The following OXNAD1 variants were observed in gnomAD, a reference collection of about 807,000 sequenced individuals.
OXNAD1 encodes the protein oxidoreductase NAD binding domain containing 1.
In OXNAD1, 34 loss-of-function variants were observed where a neutral mutation model predicts 32.9. The observed-to-expected ratio is 1.03, with a 90% CI of 0.79 to 1.38. The LOEUF is 1.38. Ranked by LOEUF, OXNAD1 falls within the 40% of genes most tolerant of loss-of-function variation. The pLI is 0.00. For synonymous variants in OXNAD1, 134 were observed against 135.2 expected, an observed-to-expected ratio of 0.99 and a Z score of 0.06; for missense variants, 407 against 379.4, an observed-to-expected ratio of 1.07 and a Z score of -0.60.
rs1380769881 is a variant in OXNAD1, at chr3:16,290,407, T to C, written c.290+3959T>C. On this transcript the variant is annotated intron_variant, in intron 5 of 8. Coordinates refer to ENST00000285083, the MANE Select transcript of OXNAD1 (RefSeq NM_138381.5). This position sits in a 1 kb window ranked among gnomAD's most constrained non-coding sequence, Gnocchi z 4.2. ...TTTTTTAATGAAGGAGTCCTTTTTT[T>C]CCAAAGGTAGCTTTCCAGAGTTACT... 6.6e-6 allele frequency among the ~76,000 whole-genome samples: 1 copy of C among 152,226 alleles called. No homozygotes were observed. The highest frequency in any genetic ancestry group is 1.5e-5 in the Non-Finnish European group (1 of 68,030).
chr3:16,331,090 C>G lies in OXNAD1; in HGVS notation c.*31-6022C>G, dbSNP rs530085087. On this transcript the variant is annotated intron_variant, in intron 9 of 9. Coordinates refer to the OXNAD1 transcript ENST00000435829. Reference sequence around the variant, plus strand: ...TGCTTGAGACCACTTCTGGGGTGTTCTCCATACCTGAGAAAAGTGACTGGG... The same window carrying G: ...TGCTTGAGACCACTTCTGGGGTGTTGTCCATACCTGAGAAAAGTGACTGGG... 1.5e-3 allele frequency among the ~76,000 whole-genome samples: 221 copies of G among 152,334 alleles called. 1 individual carries two copies. Among genetic ancestry groups the G allele is most frequent in the African/African-American group, 4.9e-3 (205 of 41,570 alleles).
chr3:16,267,505 G>A (rs1233670106), intron 1 of OXNAD1, among the ~76,000 whole-genome samples: 4 of 100,748 alleles, frequency 4.0e-5, no homozygotes, highest in Admixed American at 3.0e-4. Context: ...TTAACATGCC[G>A]GGCTTATTTC....
chr3:16,316,939 G>T lies in OXNAD1; in HGVS notation c.*30+13347G>T. ...AAATCCCCACCAGGGCCCTGCTGTG[G>T]CTGGCAGGACCATTCTGCACAGCCT... is the stretch of plus-strand genomic sequence containing the variant. On this transcript the variant is annotated intron_variant, in intron 9 of 9. Coordinates refer to the OXNAD1 transcript ENST00000435829. This position sits in a 1 kb window ranked among gnomAD's most constrained non-coding sequence, Gnocchi z 4.5. 1.2e-6 allele frequency: 2 copies of T among 1,614,020 alleles called. No individual in the cohort carries two copies. The highest frequency in any genetic ancestry group is 1.7e-6 in the Non-Finnish European group (2 of 1,180,000).
chr3:16,351,330 G>C (rs2072089258), downstream of OXNAD1, among the ~76,000 whole-genome samples: 2 of 152,188 alleles, frequency 1.3e-5, no homozygotes. This position sits in a 1 kb window ranked among gnomAD's most constrained non-coding sequence, Gnocchi z 5.4. Context: ...AGCCTTCAGG[G>C]AAGCCAAGGC....
At chr3:16,281,247 A>G (rs965456398) in intron 4 of OXNAD1, among the ~76,000 whole-genome samples, 1 of 152,248 alleles carries the variant, frequency 6.6e-6, no homozygotes, top group Non-Finnish European at 1.5e-5. Context: ...TTTAAAAATA[A>G]TGAATTGTGC....
chr3:16,318,622 G>A (rs2068697203), intron 9 of OXNAD1, among the ~76,000 whole-genome samples: 1 of 152,098 alleles, frequency 6.6e-6, no homozygotes, highest in Non-Finnish European at 1.5e-5. Flanking sequence ...TAGGATTCTT[G>A]GATTTAGCAC....
At chr3:16,323,429 C>T (rs769430302) in intron 9 of OXNAD1, 29 of 1,612,548 alleles carry the variant, frequency 1.8e-5, no homozygotes, top group East Asian at 6.7e-5. Context: ...TGAAGAAAGA[C>T]AATCTGCTTG....
chr3:16,275,643 C>T (rs1177941063), intron 4 of OXNAD1: 1 of 175,190 alleles, frequency 5.7e-6, no homozygotes, highest in African/African-American at 2.4e-5. Context: ...ATGTCTATGT[C>T]TTCCATTTCC....
chr3:16,338,114 G>A (rs779657601), downstream of OXNAD1, among the ~76,000 whole-genome samples: 2 of 152,238 alleles, frequency 1.3e-5, no homozygotes, highest in Non-Finnish European at 2.9e-5. This position sits in a 1 kb window ranked among gnomAD's most constrained non-coding sequence, Gnocchi z 5.3. Flanking sequence ...TCTGGGACAC[G>A]CTGGGTGATC....
rs1575081659 is a variant in OXNAD1, at chr3:16,346,954, A to G, written c.*31-2222A>G. 6.6e-6 allele frequency among the ~76,000 whole-genome samples: 1 copy of G among 152,308 alleles called. No individual in the cohort carries two copies. Among genetic ancestry groups the G allele is most frequent in the Non-Finnish European group, 1.5e-5 (1 of 68,024 alleles). On this transcript the variant is annotated intron_variant, in intron 9 of 9. Transcript: ENST00000606098. This position sits in a 1 kb window ranked among gnomAD's most constrained non-coding sequence, Gnocchi z 4.4. ...CACCTTGCTCTAGACTTCCTGCTCA[A>G]TGAGATGAGATGAACACCCCTACGG...
In OXNAD1 at chr3:16,312,891, TG is replaced by T. The variant is rs1344026680; in HGVS notation, c.*30+9300del. Among the ~76,000 whole-genome samples, 4 of 152,252 alleles carry T rather than the reference TG, an allele frequency of 2.6e-5. No homozygotes were observed. The East Asian group carries it at 7.7e-4, about 29-fold the overall frequency. On this transcript the variant is annotated intron_variant, in intron 9 of 9. Coordinates refer to the OXNAD1 transcript ENST00000435829. This position sits in a 1 kb window ranked among gnomAD's most constrained non-coding sequence, Gnocchi z 4.7. ...GGCATTTGACTAATGTTTACCTTTT[TG>T]TTACTTATAAACCATTGATAAATAA...
At chr3:16,276,786 A>G (rs2065360995) in intron 4 of OXNAD1, among the ~76,000 whole-genome samples, 1 of 152,140 alleles carries the variant, frequency 6.6e-6, no homozygotes. Flanking sequence ...TAGGTAAACT[A>G]CAAAGAAAGT....
At chr3:16,270,530 G>C (rs909580804) in intron 2 of OXNAD1, among the ~76,000 whole-genome samples, 1 of 152,034 alleles carries the variant, frequency 6.6e-6, no homozygotes, top group East Asian at 1.9e-4. Flanking sequence ...TTTGGGAACC[G>C]TTGTAAATTT....
Position 16,334,722 on chromosome 3 carries a change from C to T in OXNAD1, c.*31-2390C>T, listed in dbSNP as rs1031327432. 1.3e-5 allele frequency among the ~76,000 whole-genome samples: 2 copies of T among 152,148 alleles called. No individual in the cohort carries two copies. The highest frequency in any genetic ancestry group is 2.9e-5 in the Non-Finnish European group (2 of 68,022). ...AGCCTGTGGTAGACAGAATAATGGC[C>T]CCAAAGATGTCTACAGCCTAATCCC... On this transcript the variant is annotated intron_variant, in intron 9 of 9. Coordinates refer to the OXNAD1 transcript ENST00000435829. The surrounding 1 kb of genome is among the most constrained non-coding windows in gnomAD (Gnocchi z 4.3).
chr3:16,324,619 C>CCT lies in OXNAD1; in HGVS notation c.*31-12492_*31-12491insTC, dbSNP rs1479585637. On this transcript the variant is annotated intron_variant, in intron 9 of 9. Coordinates refer to the OXNAD1 transcript ENST00000435829. ...AAATAACAGAATGTCCCTGACCCCCCCCCTTTTAAGGTTGCATAGTATTCC... is the reference window on the plus strand; with the variant it reads ...AAATAACAGAATGTCCCTGACCCCCCCTCCCTTTTAAGGTTGCATAGTATTCC... 1.4e-5 allele frequency among the ~76,000 whole-genome samples: 2 copies of CCT among 142,488 alleles called. 1 individual carries two copies. Among genetic ancestry groups the CCT allele is most frequent in the South Asian group, 4.5e-4 (2 of 4,410 alleles). 93.5% of individuals were successfully genotyped at this position (142,488 alleles called of 152,430 possible).
chr3:16,303,544 C>T lies in OXNAD1; in HGVS notation c.921C>T (p.Cys307=). Residue 307 remains cysteine, a synonymous_variant, in exon 9 of 9, where the codon TGC becomes TGT. Transcript: ENST00000285083. The surrounding 1 kb of genome is among the most constrained non-coding windows in gnomAD (Gnocchi z 4.8). ...ENNHVPKEHI[C]FEKWW Reference sequence around the variant, plus strand: ...ACCATGTACCCAAAGAACACATTTGCTTTGAGAAGTGGTGGTAGGAGGCAG... The same window carrying T: ...ACCATGTACCCAAAGAACACATTTGTTTTGAGAAGTGGTGGTAGGAGGCAG... The T allele has an allele frequency of 6.2e-7, 1 of 1,613,872 alleles. No homozygotes were observed. The highest frequency in any genetic ancestry group is 8.5e-7 in the Non-Finnish European group (1 of 1,179,896).
chr3:16,326,934 T>C (rs1332974354), intron 9 of OXNAD1: 10 of 1,315,008 alleles, frequency 7.6e-6, no homozygotes, highest in Non-Finnish European at 1.1e-5. Context: ...TCCCAGGCAA[T>C]GAGAGGGGAC....
intron 1 of OXNAD1, among the ~76,000 whole-genome samples, 189 bp from the exon 2 acceptor site, chr3:16,268,937 G>A (rs2124962044): frequency 6.6e-6 from 1 of 152,250 alleles, no homozygotes; most frequent in Non-Finnish European, 1.5e-5. Flanking sequence ...TAAGCTGTAA[G>A]ATAAATAATC....
At chr3:16,292,712 A>G (rs2066513056) in intron 5 of OXNAD1, among the ~76,000 whole-genome samples, 1 of 152,184 alleles carries the variant, frequency 6.6e-6, no homozygotes, top group South Asian at 2.1e-4. Flanking sequence ...ATGTTGTGAA[A>G]TAGGGGTCCA....
Sources: gnomAD v4.1 joint callset for allele counts (sites outside exome capture counted in the v4.1 genomes callset) on GRCh38, gnomAD v4.1.1 for gene constraint, Gnocchi (gnomAD v3.1) non-coding constraint, MANE v1.5 for transcripts, NCBI Gene and HGNC (gene_info 2026-07-23, HGNC 2026-07-21) for gene names.